Variants in DLGAP1 observed in about 807,000 individuals in gnomAD.
DLGAP1 encodes DLG associated protein 1, also known as disks large-associated protein 1.
A neutral mutation model predicts 90.8 loss-of-function variants in DLGAP1; 11 were observed. The observed-to-expected ratio is 0.12, with a 90% CI of 0.08 to 0.20. The LOEUF (loss-of-function observed/expected upper bound fraction) is 0.20, where lower values mean the gene tolerates loss of function less well. Among genes scored for constraint, DLGAP1 ranks in the 10% least tolerant of loss-of-function variants. The pLI, the probability that DLGAP1 is intolerant of heterozygous loss-of-function variation, is 1.00. For synonymous variants in DLGAP1, 558 were observed against 540.7 expected (o/e 1.03, Z -0.44); for missense variants, 1,050 against 1,333.8 (o/e 0.79, Z 3.31).
At chr18:3,523,152 C>T (rs1283053303) in intron 10 of DLGAP1, among the ~76,000 whole-genome samples, 1 of 152,010 alleles carries the variant, frequency 6.6e-6, no homozygotes, top group African/African-American at 2.4e-5. Flanking sequence ...GTAGGTGGAT[C>T]ACTTGAGGTC....
intron 7 of DLGAP1, among the ~76,000 whole-genome samples, chr18:3,641,270 G>A (rs903324170): frequency 1.3e-5 from 2 of 151,630 alleles, no homozygotes; most frequent in Non-Finnish European, 2.9e-5. Context: ...ACAAGAGGCC[G>A]GGCGCACTGG....
At chr18:4,243,722 G>A (rs975409499) in intron 1 of DLGAP1, among the ~76,000 whole-genome samples, 3 of 152,070 alleles carry the variant, frequency 2.0e-5, no homozygotes, top group African/African-American at 7.2e-5. Context: ...ATATCTCCTT[G>A]GCATCAGAAA....
intron 6 of DLGAP1, among the ~76,000 whole-genome samples, chr18:3,741,349 C>T (rs915528794): frequency 1.4e-5 from 2 of 146,092 alleles, no homozygotes; most frequent in Non-Finnish European, 3.0e-5. Context: ...CCACCACCAC[C>T]ACCACCACAT....
intron 1 of DLGAP1, among the ~76,000 whole-genome samples, chr18:4,369,815 TAAAAAAA>T (rs11387946): frequency 1.3e-5 from 1 of 74,652 alleles, no homozygotes; most frequent in African/African-American, 4.9e-5. Flanking sequence ...AAAGTCTTAG[TAAAAAAA>T]AAAAAAAAAA....
At position 4,051,356 on chromosome 18, in the gene DLGAP1, T is replaced by A. The variant is rs193000459; in HGVS notation, c.-158-46155A>T. Among the ~76,000 whole-genome samples, 99 of 152,082 alleles carry A rather than the reference T, an allele frequency of 6.5e-4. 1 individual carries two copies. The highest frequency in any genetic ancestry group is 2.1e-3 in the African/African-American group (87 of 41,458). ...TCATAGTTCAGCATGGCTGGGGAGG[T>A]CACAGGGAACTTACAATTGTGGCAG... On this transcript the variant is annotated intron_variant, in intron 2 of 12. Transcript: ENST00000315677.
intron 7 of DLGAP1, among the ~76,000 whole-genome samples, chr18:3,726,025 G>C (rs187882655): frequency 3.9e-5 from 6 of 152,190 alleles, no homozygotes; most frequent in Admixed American, 6.5e-5. Context: ...GAATGTCAAA[G>C]ATTTAGAATG....
chr18:3,676,380 A>G (rs1335575857), intron 7 of DLGAP1, among the ~76,000 whole-genome samples: 1 of 152,192 alleles, frequency 6.6e-6, no homozygotes, highest in Non-Finnish European at 1.5e-5. Flanking sequence ...TCCTCTCGGA[A>G]GACCCTTCTC....
intron 2 of DLGAP1, among the ~76,000 whole-genome samples, chr18:4,062,788 C>T (rs1191477919): frequency 1.3e-5 from 2 of 151,818 alleles, no homozygotes; most frequent in Non-Finnish European, 2.9e-5. Flanking sequence ...GATTCTAGTC[C>T]CATCAATTGT....
Position 3,814,136 on chromosome 18 carries a change from A to T in DLGAP1, c.1095T>A (p.Pro365=), listed in dbSNP as rs774535005. The part of the protein sequence containing the change: ...DSGDSDTSPK[P]SPKVAARRES... ...CTCTCCGCGCAGCAACTTTTGGAGA[A>T]GGCTTAGGACTCGTGTCTGAGTCTC... The change falls in exon 5 of 13, where the codon CCT becomes CCA. Residue 365 remains proline, a synonymous_variant. Transcript: ENST00000315677. 6.2e-7 allele frequency: 1 copy of T among 1,614,058 alleles called. No individual in the cohort carries two copies. Among genetic ancestry groups the T allele is most frequent in the Non-Finnish European group, 8.5e-7 (1 of 1,180,008 alleles).
chr18:3,588,865 T>C (rs752369883), intron 7 of DLGAP1, among the ~76,000 whole-genome samples: 33 of 152,066 alleles, frequency 2.2e-4, no homozygotes, highest in African/African-American at 8.0e-4. Context: ...TAGCTCATGA[T>C]TGAATATTGC....
At chr18:4,409,405 T>C (rs1400289061) in intron 1 of DLGAP1, among the ~76,000 whole-genome samples, 3 of 152,214 alleles carry the variant, frequency 2.0e-5, no homozygotes, top group African/African-American at 4.8e-5. Flanking sequence ...ATCTTACAGA[T>C]AATGTGATGT....
intron 5 of DLGAP1, among the ~76,000 whole-genome samples, chr18:3,788,521 A>G (rs1173214367): frequency 6.6e-6 from 1 of 152,206 alleles, no homozygotes; most frequent in Non-Finnish European, 1.5e-5. Flanking sequence ...TTCTACTTCT[A>G]CAACACCTTT....
At chr18:3,716,133 G>T (rs1447338077) in intron 7 of DLGAP1, among the ~76,000 whole-genome samples, 2 of 152,150 alleles carry the variant, frequency 1.3e-5, no homozygotes, top group Non-Finnish European at 2.9e-5. Flanking sequence ...GAATCCAAAA[G>T]ATTTCATTTA....
At chr18:3,983,280 T>C (rs1427847287) in intron 3 of DLGAP1, 1 of 152,198 alleles carries the variant, frequency 6.6e-6, no homozygotes, top group African/African-American at 2.4e-5. Context: ...ATTACTTAAT[T>C]ATGCCAGGTA....
intron 1 of DLGAP1, among the ~76,000 whole-genome samples, chr18:4,437,389 G>A (rs1266470584): frequency 6.6e-6 from 1 of 152,120 alleles, no homozygotes; most frequent in Non-Finnish European, 1.5e-5. Flanking sequence ...GTAGTTCTAG[G>A]ACCTCCTGTA....
At chr18:4,425,238 T>A (rs1598401012) in intron 1 of DLGAP1, among the ~76,000 whole-genome samples, 2 of 152,198 alleles carry the variant, frequency 1.3e-5, no homozygotes, top group Admixed American at 6.5e-5. Context: ...CAAAGCAACA[T>A]ACTTTACATT....
intron 3 of DLGAP1, among the ~76,000 whole-genome samples, chr18:3,996,756 AG>A (rs1391181447): frequency 2.0e-5 from 3 of 152,086 alleles, no homozygotes; most frequent in Admixed American, 1.3e-4. Context: ...AGATTATTAA[AG>A]ATTGAAAAAT....
chr18:3,785,579 G>A (rs1359976378), intron 5 of DLGAP1, among the ~76,000 whole-genome samples: 1 of 152,152 alleles, frequency 6.6e-6, no homozygotes, highest in Non-Finnish European at 1.5e-5. Flanking sequence ...GATCATTAGG[G>A]AGAATGAATG....
At chr18:4,368,799 A>T (rs2081845628) in intron 1 of DLGAP1, among the ~76,000 whole-genome samples, 1 of 152,062 alleles carries the variant, frequency 6.6e-6, no homozygotes, top group Non-Finnish European at 1.5e-5. Context: ...AATAATGCCC[A>T]ATATAATATT....
Sources: gnomAD v4.1 joint callset for allele counts (sites outside exome capture counted in the v4.1 genomes callset) on GRCh38, gnomAD v4.1.1 for gene constraint, MANE v1.5 for transcripts, NCBI Gene and HGNC (gene_info 2026-07-23, HGNC 2026-07-21) for gene names.